The following NAA25 variants were observed in gnomAD, a reference collection of about 807,000 sequenced individuals.
The protein encoded by NAA25 is N-terminal acetyltransferase B complex subunit NAA25.
In NAA25, 30 loss-of-function variants were observed where a neutral mutation model predicts 132.5. That is an observed-to-expected ratio of 0.23 (90% confidence interval 0.17 to 0.31). The LOEUF (loss-of-function observed/expected upper bound fraction) is 0.31. Among genes scored for constraint, NAA25 ranks in the 10% least tolerant of loss-of-function variants. The pLI, the probability that NAA25 is intolerant of heterozygous loss-of-function variation, is 1.00. For missense variants in NAA25, 771 were observed against 1,150.4 expected (o/e 0.67, Z 4.77); for synonymous variants, 359 against 401.9 (o/e 0.89, Z 1.28).
intron 2 of NAA25, 87 bp downstream of exon 2, chr12:112,092,963 AC>A: frequency 1.1e-6 from 1 of 904,642 alleles, no homozygotes; most frequent in South Asian, 1.6e-5. Context: ...GGCTTGAGCC[AC>A]CATGCCCGGC....
At position 112,039,809 on chromosome 12, in the gene NAA25, T is replaced by C. The variant is rs181648535; in HGVS notation, c.2539-470A>G. On this transcript the variant is annotated intron_variant, in intron 21 of 23. Coordinates refer to ENST00000261745, the MANE Select transcript of NAA25 (RefSeq NM_024953.4). ...AAAATCTACCCAGTTGATCAGTACA[T>C]ATCCTGCACTGTATCAAATTAGCTG... 71 of 156,402 alleles carry C rather than the reference T, an allele frequency of 4.5e-4. No homozygotes were observed. The Admixed American group carries it at 4.6e-3, about 10-fold the overall frequency. The allele number at this position is 156,402 out of a possible 1,614,324, so 9.7% of individuals were successfully genotyped here. A position where few individuals can be genotyped will look rare whatever the true frequency, so the allele number is the denominator to read the frequency against.
chr12:112,052,631 C>G (rs1460355118), intron 15 of NAA25, among the ~76,000 whole-genome samples: 2 of 152,230 alleles, frequency 1.3e-5, no homozygotes, highest in Middle Eastern at 3.4e-3. Context: ...ATACAATACA[C>G]CCTTAAAGAA....
At chr12:112,087,534 T>C (rs1220411637) in intron 4 of NAA25, 149 bp downstream of exon 4, 1 of 616,308 alleles carries the variant, frequency 1.6e-6, no homozygotes, top group African/African-American at 1.9e-5. Flanking sequence ...TTTAAACACA[T>C]AAGGAAAACA....
chr12:112,080,278 C>CAAAAA (rs762037242), intron 5 of NAA25, among the ~76,000 whole-genome samples: 2 of 51,206 alleles, frequency 3.9e-5, no homozygotes, highest in African/African-American at 6.6e-5. Flanking sequence ...GACTCTGTCT[C>CAAAAA]AAAAAAAAAA....
intron 7 of NAA25, among the ~76,000 whole-genome samples, chr12:112,076,178 C>T (rs979266328): frequency 2.6e-5 from 4 of 152,186 alleles, no homozygotes; most frequent in East Asian, 3.9e-4. Context: ...CTACCGGGCC[C>T]GGCCTAAATG....
chr12:112,088,312 T>C (rs995170049), intron 3 of NAA25, among the ~76,000 whole-genome samples: 2 of 149,488 alleles, frequency 1.3e-5, no homozygotes, highest in South Asian at 4.3e-4. Context: ...AGTAAGTATA[T>C]TGTAGTTTTT....
chr12:112,035,090 C>T (rs1407680834), intron 22 of NAA25: 4 of 152,078 alleles, frequency 2.6e-5, no homozygotes, highest in South Asian at 2.1e-4. Context: ...TTGTTTACCA[C>T]GAAAATTTTC....
rs560854058 is a variant in NAA25 at position 112,098,043 on chromosome 12, C to T, written c.59-4907G>A. Reference sequence around the variant, plus strand: ...GGCTGAGGCCTAAGAATCACTTGAACCCGGGAGGCGGAGGTTGCAATGAGC... The same window carrying T: ...GGCTGAGGCCTAAGAATCACTTGAATCCGGGAGGCGGAGGTTGCAATGAGC... On this transcript the variant is annotated intron_variant, in intron 1 of 23. Transcript: ENST00000261745. 1.1e-3 allele frequency among the ~76,000 whole-genome samples: 165 copies of T among 147,770 alleles called. 2 individuals carry two copies. Among genetic ancestry groups the T allele is most frequent in the African/African-American group, 3.9e-3 (152 of 38,850 alleles).
At chr12:112,101,351 G>T (rs531237156) in intron 1 of NAA25, among the ~76,000 whole-genome samples, 1 of 152,008 alleles carries the variant, frequency 6.6e-6, no homozygotes, top group Non-Finnish European at 1.5e-5. Context: ...CATCTATATT[G>T]TGCCTAACAC....
intron 4 of NAA25, among the ~76,000 whole-genome samples, chr12:112,087,212 C>G (rs1416034578): frequency 6.6e-6 from 1 of 151,592 alleles, no homozygotes; most frequent in African/African-American, 2.4e-5. Context: ...AAACAAAAAA[C>G]AAAAAATAAA....
intron 11 of NAA25, 90 bp from the exon 12 acceptor site, chr12:112,061,478 A>G: frequency 1.0e-6 from 1 of 954,806 alleles, no homozygotes; most frequent in Non-Finnish European, 1.6e-6. Context: ...GGTCTAGAAA[A>G]AGACATCAAG....
rs556937282 is a variant in NAA25, at chr12:112,052,591, A to G, written c.1728+967T>C. On this transcript the variant is annotated intron_variant, in intron 15 of 23. Coordinates refer to ENST00000261745, the MANE Select transcript of NAA25 (RefSeq NM_024953.4). ...ATTATCATAAACTGAGAACAAACCT[A>G]TATCCCATGTTCAGAAATGCTTCTA... Among the ~76,000 whole-genome samples, 5 of 151,386 alleles carry G rather than the reference A, an allele frequency of 3.3e-5. No individual in the cohort carries two copies. The East Asian group carries it at 9.6e-4, about 29-fold the overall frequency.
intron 13 of NAA25, among the ~76,000 whole-genome samples, chr12:112,055,752 TAA>T (rs980447920): frequency 2.0e-5 from 3 of 151,378 alleles, no homozygotes; most frequent in Admixed American, 6.6e-5. Flanking sequence ...GCAAAAGTGA[TAA>T]GAGTGCTTTT....
intron 8 of NAA25, among the ~76,000 whole-genome samples, chr12:112,075,448 C>G (rs1043250927): frequency 6.6e-6 from 1 of 152,186 alleles, no homozygotes; most frequent in Non-Finnish European, 1.5e-5. Flanking sequence ...CTTGGCCTCT[C>G]AAAGTGCTGG....
chr12:112,059,910 C>T (rs1158655036), intron 13 of NAA25, among the ~76,000 whole-genome samples: 1 of 151,788 alleles, frequency 6.6e-6, no homozygotes, highest in Non-Finnish European at 1.5e-5. Flanking sequence ...CAAGCTCAAG[C>T]AATTCTCCTG....
At chr12:112,057,213 A>AATAAC (rs1216290845) in intron 13 of NAA25, among the ~76,000 whole-genome samples, 1 of 151,974 alleles carries the variant, frequency 6.6e-6, no homozygotes, top group Non-Finnish European at 1.5e-5. Context: ...GATAAAATAA[A>AATAAC]ATAACATAAA....
At chr12:112,053,741 A>T in intron 14 of NAA25, 84 bp from the exon 15 acceptor site, 1 of 906,374 alleles carries the variant, frequency 1.1e-6, no homozygotes, top group Non-Finnish European at 1.7e-6. Flanking sequence ...GCTTCAAATT[A>T]CTTGGCAAAA....
chr12:112,102,655 G>A (rs1484874126), intron 1 of NAA25, among the ~76,000 whole-genome samples: 3 of 149,748 alleles, frequency 2.0e-5, no homozygotes, highest in Non-Finnish European at 4.5e-5. Context: ...GCAGCTTGAA[G>A]TTCCTGGGTT....
At chr12:112,094,240 CAAAAAAA>C (rs199734463) in intron 1 of NAA25, among the ~76,000 whole-genome samples, 2 of 69,296 alleles carry the variant, frequency 2.9e-5, no homozygotes, top group Non-Finnish European at 6.4e-5. Flanking sequence ...GACTCTGTCT[CAAAAAAA>C]AAAAAAAAAA....
Sources: gnomAD v4.1 joint callset for allele counts (sites outside exome capture counted in the v4.1 genomes callset) on GRCh38, gnomAD v4.1.1 for gene constraint, MANE v1.5 for transcripts, NCBI Gene and HGNC (gene_info 2026-07-23, HGNC 2026-07-21) for gene names.